MAGI2: variants seen among roughly 807,000 people sequenced by gnomAD.
MAGI2 encodes the protein membrane-associated guanylate kinase, WW and PDZ domain-containing protein 2.
Under a neutral mutation model 133.3 loss-of-function variants are expected in MAGI2, and 35 were observed. The ratio of observed to expected loss-of-function variants is 0.26; its 90% CI spans 0.20 to 0.35. The LOEUF is 0.35. MAGI2 is among the 10% of genes least tolerant of loss of function. The pLI, the probability that MAGI2 is intolerant of heterozygous loss-of-function variation, is 1.00. For synonymous variants in MAGI2, 729 were observed against 710.6 expected, an observed-to-expected ratio of 1.03 and a Z score of -0.41; for missense variants, 1,636 against 1,863.4, an observed-to-expected ratio of 0.88 and a Z score of 2.25.
chr7:78,435,237 T>C (rs73148307), intron 6 of MAGI2, among the ~76,000 whole-genome samples: 10,134 of 152,234 alleles, frequency 0.067, 348 homozygotes, highest in Admixed American at 0.091. Flanking sequence ...ATAATAAATG[T>C]TCACTAAATG....
At chr7:78,218,326 A>G (rs1368684034) in intron 10 of MAGI2, among the ~76,000 whole-genome samples, 1 of 152,250 alleles carries the variant, frequency 6.6e-6, no homozygotes, top group African/African-American at 2.4e-5. Context: ...GCTGATGACA[A>G]TCACTAGAAG....
chr7:78,230,427 A>G (rs1036441460), intron 10 of MAGI2, among the ~76,000 whole-genome samples: 1 of 152,362 alleles, frequency 6.6e-6, no homozygotes, highest in Admixed American at 6.5e-5. Context: ...ATTTTACCAT[A>G]GGTGTATACA....
At chr7:78,640,793 A>G (rs549237906) in intron 2 of MAGI2, among the ~76,000 whole-genome samples, 1 of 152,332 alleles carries the variant, frequency 6.6e-6, no homozygotes, top group Non-Finnish European at 1.5e-5. Context: ...GTATTTGAAA[A>G]AACTAGAAAG....
intron 3 of MAGI2, among the ~76,000 whole-genome samples, chr7:78,589,115 T>G (rs1803719840): frequency 6.6e-6 from 1 of 152,164 alleles, no homozygotes; most frequent in African/African-American, 2.4e-5. Context: ...CAGAGCTGTT[T>G]CCTGATAATT....
intron 1 of MAGI2, among the ~76,000 whole-genome samples, chr7:79,058,226 A>C (rs188414615): frequency 2.1e-3 from 324 of 152,212 alleles, no homozygotes; most frequent in Non-Finnish European, 1.5e-3. Context: ...CCATTAGTTC[A>C]ATTTTTTTCT....
chr7:78,145,164 A>G (rs1324740512), intron 16 of MAGI2, among the ~76,000 whole-genome samples: 1 of 152,156 alleles, frequency 6.6e-6, no homozygotes, highest in Non-Finnish European at 1.5e-5. Context: ...TGAAACTCCT[A>G]GACTGAAAAA....
At chr7:78,503,786 T>C (rs994887941) in intron 4 of MAGI2, among the ~76,000 whole-genome samples, 2 of 149,346 alleles carry the variant, frequency 1.3e-5, no homozygotes, top group African/African-American at 4.9e-5. Context: ...TAAGTGAAAA[T>C]AAGGTGGGCC....
chr7:79,287,141 T>C (rs1836073008), intron 1 of MAGI2, among the ~76,000 whole-genome samples: 1 of 152,036 alleles, frequency 6.6e-6, no homozygotes, highest in African/African-American at 2.4e-5. Context: ...CAGCATCACC[T>C]GGGAGTTTAT....
chr7:79,052,515 C>T (rs1812767319), intron 1 of MAGI2, among the ~76,000 whole-genome samples: 1 of 152,180 alleles, frequency 6.6e-6, no homozygotes, highest in South Asian at 2.1e-4. Context: ...GGGATGTTGG[C>T]ATTGACTTGG....
chr7:78,555,578 A>T (rs968641593), intron 3 of MAGI2, among the ~76,000 whole-genome samples: 3 of 152,230 alleles, frequency 2.0e-5, no homozygotes, highest in Non-Finnish European at 4.4e-5. Context: ...TATGGCAATG[A>T]TAATGAAGTT....
At chr7:79,273,483 G>T (rs1254759128) in intron 1 of MAGI2, among the ~76,000 whole-genome samples, 2 of 152,028 alleles carry the variant, frequency 1.3e-5, no homozygotes, top group Non-Finnish European at 2.9e-5. Context: ...GGGGTTTTCT[G>T]CAACTTATTT....
intron 1 of MAGI2, among the ~76,000 whole-genome samples, chr7:79,097,876 C>T (rs1280330799): frequency 6.6e-6 from 1 of 152,112 alleles, no homozygotes; most frequent in Non-Finnish European, 1.5e-5. Flanking sequence ...AATCCCAGCA[C>T]CTTGGGAGGC....
chr7:78,857,781 G>A (rs1224207807), intron 2 of MAGI2, among the ~76,000 whole-genome samples: 1 of 152,180 alleles, frequency 6.6e-6, no homozygotes, highest in East Asian at 1.9e-4. Context: ...ATGAGTTAGG[G>A]AGGATTCCCT....
In MAGI2 at chr7:78,019,874, G is replaced by A. The variant is rs751785163; in HGVS notation, c.3809C>T (p.Pro1270Leu). The A allele has an allele frequency of 3.7e-6, 6 of 1,613,092 alleles. No homozygotes were observed. Among genetic ancestry groups the A allele is most frequent in the Non-Finnish European group, 5.1e-6 (6 of 1,179,788 alleles). ...DGLAPFSPSHPAPPSDPSHQI... is the reference protein window; with the variant it reads ...DGLAPFSPSHLAPPSDPSHQI... Reference sequence around the variant, plus strand: ...GTGGGAAGGGTCGGAGGGTGGGGCTGGATGTGATGGAGAGAATGGAGCGAG... The same window carrying A: ...GTGGGAAGGGTCGGAGGGTGGGGCTAGATGTGATGGAGAGAATGGAGCGAG... The change falls in exon 22 of 22, where the codon CCA becomes CTA. Residue 1270 changes from proline to leucine, a missense_variant. Physicochemically the swap from Pro to Leu is moderately conservative, Grantham distance 98. Coordinates refer to ENST00000354212, the MANE Select transcript of MAGI2 (RefSeq NM_012301.4).
intron 1 of MAGI2, among the ~76,000 whole-genome samples, chr7:79,283,919 T>G (rs1036806487): frequency 3.3e-5 from 5 of 152,128 alleles, no homozygotes; most frequent in Non-Finnish European, 5.9e-5. Flanking sequence ...TACTGTATCT[T>G]TGTATCTTTA....
At chr7:79,449,546 AAAG>A (rs1046236414) in intron 1 of MAGI2, among the ~76,000 whole-genome samples, 3 of 152,030 alleles carry the variant, frequency 2.0e-5, no homozygotes, top group African/African-American at 7.2e-5. Flanking sequence ...AAGAAAAAGG[AAAG>A]AAGACCTTTA....
At chr7:78,995,147 T>C (rs930267739) in intron 2 of MAGI2, among the ~76,000 whole-genome samples, 5 of 151,900 alleles carry the variant, frequency 3.3e-5, no homozygotes, top group Admixed American at 3.3e-4. Context: ...ACTTAAAATA[T>C]ACTAACACTA....
At chr7:78,067,915 G>C (rs942370106) in intron 21 of MAGI2, among the ~76,000 whole-genome samples, 2 of 152,184 alleles carry the variant, frequency 1.3e-5, no homozygotes, top group Non-Finnish European at 2.9e-5. Flanking sequence ...GTTGCCAGGG[G>C]TGGGTGTGGA....
chr7:78,156,517 T>C (rs777221039), intron 16 of MAGI2, among the ~76,000 whole-genome samples: 16 of 152,192 alleles, frequency 1.1e-4, no homozygotes, highest in Non-Finnish European at 2.4e-4. Context: ...GTGCTTACTC[T>C]GAGCCAGTGC....
Sources: allele counts gnomAD v4.1 joint callset (sites outside exome capture counted in the v4.1 genomes callset), GRCh38; gene constraint gnomAD v4.1.1; transcripts MANE v1.5; gene names NCBI Gene and HGNC (gene_info 2026-07-23, HGNC 2026-07-21).